The following PRDM5 variants were observed in gnomAD, a reference collection of about 807,000 sequenced individuals.
The protein encoded by PRDM5 is PR domain zinc finger protein 5.
PRDM5 carries 56 observed loss-of-function variants against 81.2 expected under a neutral mutation model. That is an observed-to-expected ratio of 0.69 (90% CI 0.56 to 0.86). PRDM5 has a LOEUF of 0.86. PRDM5 is among the 40% of genes least tolerant of loss of function. PRDM5 has a pLI of 0.00. For missense variants in PRDM5, 697 were observed against 770.1 expected (o/e 0.91, Z 1.12); for synonymous variants, 267 against 256.4 (o/e 1.04, Z -0.39).
At chr4:120,874,324 A>T (rs2148554194) in intron 2 of PRDM5, among the ~76,000 whole-genome samples, 1 of 152,324 alleles carries the variant, frequency 6.6e-6, no homozygotes, top group Admixed American at 6.5e-5. Flanking sequence ...AATAATAATG[A>T]CTTTAATCAC....
intron 8 of PRDM5, among the ~76,000 whole-genome samples, chr4:120,805,780 G>A (rs1578807812): frequency 6.6e-6 from 1 of 152,156 alleles, no homozygotes; most frequent in Non-Finnish European, 1.5e-5. Context: ...CATTCCCTTT[G>A]TAAATTGGCA....
chr4:120,876,622 A>G (rs1561573082), intron 2 of PRDM5, among the ~76,000 whole-genome samples: 1 of 152,208 alleles, frequency 6.6e-6, no homozygotes, highest in South Asian at 2.1e-4. Flanking sequence ...CAAAGTAAAA[A>G]AGTTGAAAGC....
intron 8 of PRDM5, among the ~76,000 whole-genome samples, chr4:120,805,807 T>C (rs1007857642): frequency 3.1e-4 from 47 of 152,206 alleles, no homozygotes; most frequent in East Asian, 1.9e-4. Context: ...AGGGATGCCC[T>C]CTCTCACCAC....
At chr4:120,732,540 G>C (rs564702819) in intron 14 of PRDM5, among the ~76,000 whole-genome samples, 3 of 152,094 alleles carry the variant, frequency 2.0e-5, no homozygotes, top group African/African-American at 7.2e-5. Flanking sequence ...CAGATGTATT[G>C]CTTGAAAATA....
At chr4:120,702,832 A>AC (rs1735581470) in intron 15 of PRDM5, among the ~76,000 whole-genome samples, 1 of 152,124 alleles carries the variant, frequency 6.6e-6, no homozygotes. Flanking sequence ...CCTTCTCCAA[A>AC]CCCAATGTCA....
At chr4:120,865,438 C>T (rs893597922) in intron 2 of PRDM5, among the ~76,000 whole-genome samples, 1 of 152,156 alleles carries the variant, frequency 6.6e-6, no homozygotes, top group East Asian at 1.9e-4. Flanking sequence ...AATCTTAAAA[C>T]TCCATTTGTG....
At chr4:120,891,849 C>T (rs1001384542) in intron 2 of PRDM5, among the ~76,000 whole-genome samples, 4 of 152,072 alleles carry the variant, frequency 2.6e-5, no homozygotes, top group Admixed American at 6.6e-5. Flanking sequence ...AGGCTGTTCT[C>T]GAACTCCTGA....
chr4:120,696,637 G>C (rs1411917075), intron 15 of PRDM5, among the ~76,000 whole-genome samples: 1 of 152,030 alleles, frequency 6.6e-6, no homozygotes, highest in Non-Finnish European at 1.5e-5. Context: ...GGATTATTAA[G>C]ATTAAATAAA....
intron 14 of PRDM5, among the ~76,000 whole-genome samples, chr4:120,749,526 G>A (rs984965189): frequency 3.8e-4 from 58 of 152,268 alleles, no homozygotes; most frequent in African/African-American, 1.2e-3. Context: ...TGTGCTGCAT[G>A]AATACAAGGT....
At chr4:120,827,897 A>G (rs752633496) in intron 3 of PRDM5, among the ~76,000 whole-genome samples, 21 of 152,130 alleles carry the variant, frequency 1.4e-4, no homozygotes, top group Non-Finnish European at 2.9e-4. Context: ...AATAGAAAAT[A>G]CAATGCCCCT....
At chr4:120,793,549 A>G (rs536087241) in intron 10 of PRDM5, among the ~76,000 whole-genome samples, 16 of 152,340 alleles carry the variant, frequency 1.1e-4, no homozygotes, top group Admixed American at 1.0e-3. Context: ...AAAGCTGGGG[A>G]CCACTGTAGT....
chr4:120,709,540 T>G (rs373239843), intron 15 of PRDM5, among the ~76,000 whole-genome samples: 1 of 152,166 alleles, frequency 6.6e-6, no homozygotes, highest in African/African-American at 2.4e-5. Flanking sequence ...CTGTATCCAT[T>G]GGGACATGAT....
At chr4:120,903,165 GAGA>G (rs1351030036) in intron 2 of PRDM5, among the ~76,000 whole-genome samples, 6 of 152,006 alleles carry the variant, frequency 3.9e-5, no homozygotes, top group African/African-American at 1.2e-4. Flanking sequence ...CTATTTTTTT[GAGA>G]AGGACTACTC....
chr4:120,916,491 T>G (rs1301712214), intron 1 of PRDM5, among the ~76,000 whole-genome samples: 2 of 152,150 alleles, frequency 1.3e-5, no homozygotes, highest in Non-Finnish European at 2.9e-5. Context: ...TTAATTGCTC[T>G]AAAAGATCAC....
chr4:120,686,580 CT>C (rs1156938622), intron 1 of PRDM5, among the ~76,000 whole-genome samples: 1 of 151,818 alleles, frequency 6.6e-6, no homozygotes, highest in African/African-American at 2.4e-5. Flanking sequence ...AGGAAACTAG[CT>C]AAAGGTGTAA....
intron 1 of PRDM5, among the ~76,000 whole-genome samples, chr4:120,912,977 A>G (rs1368975391): frequency 1.3e-5 from 2 of 152,224 alleles, no homozygotes; most frequent in Non-Finnish European, 1.5e-5. Flanking sequence ...AGTGTATTAA[A>G]TGTGTTTCTT....
At position 120,799,647 on chromosome 4, in the gene PRDM5, A is replaced by T; in HGVS notation, c.1030+14T>A. 3 of 1,610,846 alleles carry T rather than the reference A, an allele frequency of 1.9e-6. No individual in the cohort carries two copies. The highest frequency in any genetic ancestry group is 2.5e-6 in the Non-Finnish European group (3 of 1,179,154). On this transcript the variant is annotated intron_variant, in intron 9 of 15. Coordinates refer to ENST00000264808, the MANE Select transcript of PRDM5 (RefSeq NM_018699.4). ...TAATGATATCACTATAAACAAAAAA[A>T]GTATATAGTTTACCTGAGTGGGTGA...
chr4:120,864,108 C>T (rs946772580), intron 2 of PRDM5, among the ~76,000 whole-genome samples: 6 of 152,048 alleles, frequency 3.9e-5, no homozygotes, highest in African/African-American at 1.4e-4. Context: ...GGAAACTCTG[C>T]CAAATCTCGA....
chr4:120,880,521 A>C (rs551714053), intron 2 of PRDM5, among the ~76,000 whole-genome samples: 12 of 152,314 alleles, frequency 7.9e-5, no homozygotes, highest in African/African-American at 2.9e-4. Context: ...TTATCAATTC[A>C]ACCATGTAAC....
Sources: allele counts gnomAD v4.1 joint callset (sites outside exome capture counted in the v4.1 genomes callset), GRCh38; gene constraint gnomAD v4.1.1; transcripts MANE v1.5; gene names NCBI Gene and HGNC (gene_info 2026-07-23, HGNC 2026-07-21).